The following SOS1 variants were observed in gnomAD, a reference collection of about 807,000 sequenced individuals.
The protein encoded by SOS1 is SOS Ras/Rac guanine nucleotide exchange factor 1.
In SOS1, 25 loss-of-function variants were observed where a neutral mutation model predicts 157.6. The ratio of observed to expected loss-of-function variants is 0.16; its 90% CI spans 0.12 to 0.22. SOS1 has a LOEUF of 0.22. Ranked by LOEUF, SOS1 falls within the 10% of genes least tolerant of loss-of-function variation. The probability of loss-of-function intolerance (pLI) is 1.00; values close to 1 mark genes in which losing one functional copy is unlikely to be tolerated. For missense variants in SOS1, 1,237 were observed against 1,599.1 expected, an observed-to-expected ratio of 0.77 and a Z score of 3.86; for synonymous variants, 528 against 534.0, an observed-to-expected ratio of 0.99 and a Z score of 0.16.
chr2:39,122,426 G>A (rs757236744), upstream of SOS1, among the ~76,000 whole-genome samples: 2 of 138,720 alleles, frequency 1.4e-5, no homozygotes, highest in African/African-American at 2.8e-5. Flanking sequence ...CCAAAACTCC[G>A]TTTCAATTCA....
intron 6 of SOS1, among the ~76,000 whole-genome samples, chr2:39,043,640 G>A (rs753386735): frequency 3.9e-5 from 6 of 152,206 alleles, no homozygotes; most frequent in Admixed American, 1.3e-4. Flanking sequence ...GGTGCATCTG[G>A]TGAGGGCTTT....
chr2:39,111,352 C>T (rs556403386), intron 1 of SOS1, among the ~76,000 whole-genome samples: 8 of 152,250 alleles, frequency 5.3e-5, no homozygotes, highest in African/African-American at 1.7e-4. Context: ...GATGGGTATA[C>T]GAGTGTTTAC....
chr2:39,054,985 T>C (rs368535256), intron 4 of SOS1, among the ~76,000 whole-genome samples, 162 bp from the exon 5 acceptor site: 337 of 152,316 alleles, frequency 2.2e-3, no homozygotes, highest in Non-Finnish European at 3.3e-3. Flanking sequence ...CCACAGCTTC[T>C]CTAAAACAGA....
intron 6 of SOS1, among the ~76,000 whole-genome samples, chr2:39,047,711 C>T (rs1400562160): frequency 6.6e-6 from 1 of 152,202 alleles, no homozygotes; most frequent in Non-Finnish European, 1.5e-5. Flanking sequence ...CGCTCTGTCG[C>T]CCAGGCTGGA....
chr2:39,073,612 T>G (rs1396855799), intron 1 of SOS1, among the ~76,000 whole-genome samples: 1 of 152,224 alleles, frequency 6.6e-6, no homozygotes, highest in Non-Finnish European at 1.5e-5. Flanking sequence ...TTGTCTCTAG[T>G]AAGTTCCAGC....
rs1335525164 is a variant in SOS1 at position 38,996,997 on chromosome 2, C to T, written c.3006G>A (p.Glu1002=). 6.2e-7 allele frequency: 1 copy of T among 1,606,464 alleles called. No homozygotes were observed. The highest frequency in any genetic ancestry group is 2.2e-5 in the East Asian group (1 of 44,662). ...TGAAAAGATAATCTGTAAATTCCTT[C>T]TCCATGCTATTTCCCATCGGATTCA... ...ENLNPMGNSM[E]KEFTDYLFNK... The change falls in exon 19 of 23, where the codon GAG becomes GAA. Residue 1002 remains glutamate (E), a synonymous_variant. Transcript: ENST00000402219.
intron 1 of SOS1, among the ~76,000 whole-genome samples, chr2:39,083,370 C>T (rs887374287): frequency 6.6e-6 from 1 of 152,076 alleles, no homozygotes; most frequent in Admixed American, 6.6e-5. Flanking sequence ...AGGGTATATT[C>T]TTAAGGAAGT....
intron 17 of SOS1, among the ~76,000 whole-genome samples, chr2:38,999,184 C>A (rs563531327): frequency 2.6e-5 from 4 of 152,180 alleles, no homozygotes; most frequent in Admixed American, 2.0e-4. Context: ...CTAAGCAAAG[C>A]AGCAGTGTGT....
At chr2:39,014,591 A>G (rs1248011779) in intron 11 of SOS1, among the ~76,000 whole-genome samples, 174 bp downstream of exon 11, 1 of 152,112 alleles carries the variant, frequency 6.6e-6, no homozygotes, top group African/African-American at 2.4e-5. Flanking sequence ...TTGTATTGAA[A>G]TAATAAAAGC....
intron 1 of SOS1, among the ~76,000 whole-genome samples, chr2:39,087,025 C>A (rs1409645155): frequency 6.6e-6 from 1 of 152,064 alleles, no homozygotes; most frequent in Non-Finnish European, 1.5e-5. Flanking sequence ...TTTGGCCAGG[C>A]TGGTCTTGGA....
At chr2:39,028,371 C>G (rs1468597870) in intron 8 of SOS1, among the ~76,000 whole-genome samples, 1 of 152,086 alleles carries the variant, frequency 6.6e-6, no homozygotes, top group Non-Finnish European at 1.5e-5. Context: ...GACTAAAACT[C>G]AAGAGTGTTT....
At chr2:39,105,591 AT>A (rs1416984078) in intron 1 of SOS1, among the ~76,000 whole-genome samples, 1 of 152,196 alleles carries the variant, frequency 6.6e-6, no homozygotes, top group African/African-American at 2.4e-5. Flanking sequence ...TGCTCAACTA[AT>A]TTGGTAAATA....
chr2:39,075,634 T>C (rs1408214903), intron 1 of SOS1, among the ~76,000 whole-genome samples: 1 of 90,280 alleles, frequency 1.1e-5, no homozygotes, highest in East Asian at 3.3e-4. Flanking sequence ...ACAGACTCCA[T>C]CTCAAAATAT....
intron 1 of SOS1, 32 bp downstream of exon 1, chr2:39,120,304 G>A (rs757665360): frequency 4.5e-6 from 7 of 1,546,306 alleles, no homozygotes; most frequent in African/African-American, 1.4e-5. Flanking sequence ...GGGGGGCTGC[G>A]GCCGGGAAGC....
chr2:39,064,396 A>C (rs1671517275), intron 2 of SOS1, among the ~76,000 whole-genome samples: 1 of 152,212 alleles, frequency 6.6e-6, no homozygotes, highest in Admixed American at 6.5e-5. Context: ...AAACATTTGG[A>C]CCATAGCAAA....
chr2:39,071,496 G>T lies in SOS1; in HGVS notation c.88-3743C>A, dbSNP rs545834377. 4.9e-4 allele frequency among the ~76,000 whole-genome samples: 75 copies of T among 152,168 alleles called. 1 individual carries two copies. Among genetic ancestry groups the T allele is most frequent in the African/African-American group, 1.7e-3 (69 of 41,520 alleles). On this transcript the variant is annotated intron_variant, in intron 1 of 22. Coordinates refer to ENST00000402219, the MANE Select transcript of SOS1 (RefSeq NM_005633.4). ...GGAAAATCATCATTGGTTACACAAAGGATCCCAATGTTTATAAGTTATATA... is the reference window on the plus strand; with the variant it reads ...GGAAAATCATCATTGGTTACACAAATGATCCCAATGTTTATAAGTTATATA...
intron 5 of SOS1, among the ~76,000 whole-genome samples, chr2:39,051,923 A>G (rs547436174): frequency 1.3e-5 from 2 of 152,324 alleles, no homozygotes; most frequent in Non-Finnish European, 2.9e-5. Context: ...ACTCATTAAA[A>G]GTGTAGTTAC....
At chr2:39,084,320 T>C (rs147308948) in intron 1 of SOS1, among the ~76,000 whole-genome samples, 1 of 152,126 alleles carries the variant, frequency 6.6e-6, no homozygotes. Context: ...AGAAAACTCA[T>C]TAAAAAATGT....
intron 8 of SOS1, among the ~76,000 whole-genome samples, chr2:39,033,230 A>AT: frequency 6.6e-6 from 1 of 150,734 alleles, no homozygotes; most frequent in South Asian, 2.1e-4. Context: ...AGAAAAAAAA[A>AT]AAAAAAAAGT....
Sources: gnomAD v4.1 joint callset for allele counts (sites outside exome capture counted in the v4.1 genomes callset) on GRCh38, gnomAD v4.1.1 for gene constraint, MANE v1.5 for transcripts, NCBI Gene and HGNC (gene_info 2026-07-23, HGNC 2026-07-21) for gene names.